Variants in PRMT8 observed in about 807,000 individuals in gnomAD.
PRMT8 encodes the protein protein arginine methyltransferase 8.
Under a neutral mutation model 47.1 loss-of-function variants are expected in PRMT8, and 7 were observed. The observed-to-expected ratio is 0.15, with a 90% CI of 0.08 to 0.28. The LOEUF is 0.28. PRMT8 is among the 10% of genes least tolerant of loss of function. PRMT8 has a pLI of 1.00. For missense variants in PRMT8, 237 were observed against 505.4 expected (o/e 0.47, Z 5.09); for synonymous variants, 188 against 186.5 (o/e 1.01, Z -0.07).
At chr12:3,589,536 G>GC (rs1184242038) in intron 8 of PRMT8, among the ~76,000 whole-genome samples, 4 of 152,020 alleles carry the variant, frequency 2.6e-5, no homozygotes, top group African/African-American at 9.7e-5. Flanking sequence ...GCCCCTCCAC[G>GC]CCCCCCAGAA....
At chr12:3,384,391 T>C (rs1245781244) in intron 1 of PRMT8, among the ~76,000 whole-genome samples, 5 of 152,252 alleles carry the variant, frequency 3.3e-5, no homozygotes, top group African/African-American at 9.6e-5. Flanking sequence ...AACAATATAC[T>C]ATTTACACTA....
rs1453194922 is a variant in PRMT8, at chr12:3,550,256, AG to A, written c.417+167del. 5 of 777,518 alleles carry A rather than the reference AG, an allele frequency of 6.4e-6. No homozygotes were observed. The highest frequency in any genetic ancestry group is 1.0e-5 in the Non-Finnish European group (5 of 493,484). 48.2% of individuals were successfully genotyped at this position (777,518 alleles called of 1,614,324 possible). On this transcript the variant is annotated intron_variant, in intron 3 of 9. Transcript: ENST00000382622. This position sits in a 1 kb window ranked among gnomAD's most constrained non-coding sequence, Gnocchi z 5.1. ...AGGTGTGACTCTCAGGAAGGGGAGC[AG>A]GCTGCCTGTCCCCTGTGCATGGCTC...
At chr12:3,466,213 G>T (rs10848866) in intron 1 of PRMT8, among the ~76,000 whole-genome samples, 7 of 152,002 alleles carry the variant, frequency 4.6e-5, no homozygotes, top group African/African-American at 1.4e-4. Context: ...TTAGTCTCTG[G>T]ATCTGTAAAC....
intron 4 of PRMT8, among the ~76,000 whole-genome samples, chr12:3,559,499 A>G (rs772007397): frequency 3.9e-5 from 6 of 152,158 alleles, no homozygotes; most frequent in Non-Finnish European, 5.9e-5. Flanking sequence ...GTATCTATTT[A>G]TATGTATTGT....
intron 8 of PRMT8, among the ~76,000 whole-genome samples, chr12:3,591,541 T>C (rs1184272450): frequency 6.6e-6 from 1 of 151,558 alleles, no homozygotes; most frequent in Admixed American, 6.6e-5. Flanking sequence ...TTCAGCCTCC[T>C]GAGTAGCTGG....
intron 1 of PRMT8, among the ~76,000 whole-genome samples, chr12:3,408,056 T>A (rs1306584075): frequency 6.6e-6 from 1 of 152,106 alleles, no homozygotes; most frequent in Non-Finnish European, 1.5e-5. Context: ...TTTGTTGAAT[T>A]ACCTATCTGT....
chr12:3,562,777 G>A (rs1301877211), intron 4 of PRMT8, among the ~76,000 whole-genome samples: 1 of 152,182 alleles, frequency 6.6e-6, no homozygotes, highest in Admixed American at 6.5e-5. Flanking sequence ...GTGAAGATGG[G>A]GCCATGCTGA....
chr12:3,457,164 G>A (rs61014454), intron 1 of PRMT8, among the ~76,000 whole-genome samples: 13,948 of 152,240 alleles, frequency 0.092, 688 homozygotes, highest in Non-Finnish European at 0.11. Context: ...AGCTCTGTGA[G>A]GGCAGGCTTG....
At position 3,557,249 on chromosome 12, in the gene PRMT8, C is replaced by T. The variant is rs866933461; in HGVS notation, c.481+3535C>T. On this transcript the variant is annotated intron_variant, in intron 4 of 9. Coordinates refer to ENST00000382622, the MANE Select transcript of PRMT8 (RefSeq NM_019854.5). This position sits in a 1 kb window ranked among gnomAD's most constrained non-coding sequence, Gnocchi z 4.7. Reference sequence around the variant, plus strand: ...CTTTCTCTTACCACTCTCAGGAGCTCGAGTGCGATTGGAGTAGAAGGTTGC... The same window carrying T: ...CTTTCTCTTACCACTCTCAGGAGCTTGAGTGCGATTGGAGTAGAAGGTTGC... Among the ~76,000 whole-genome samples, 3 of 152,042 alleles carry T rather than the reference C, an allele frequency of 2.0e-5. No individual in the cohort carries two copies. The highest frequency in any genetic ancestry group is 4.8e-5 in the African/African-American group (2 of 41,374).
chr12:3,558,078 G>T (rs1174168741), intron 4 of PRMT8, among the ~76,000 whole-genome samples: 1 of 152,122 alleles, frequency 6.6e-6, no homozygotes, highest in African/African-American at 2.4e-5. Context: ...GCTTGCAGGG[G>T]CTACTGCCCT....
At chr12:3,478,422 C>T (rs1473873681) in intron 1 of PRMT8, among the ~76,000 whole-genome samples, 4 of 152,222 alleles carry the variant, frequency 2.6e-5, no homozygotes, top group African/African-American at 9.6e-5. Flanking sequence ...GCTTGGGCCC[C>T]TCCACCTTCT....
chr12:3,422,334 A>G (rs567284386), intron 1 of PRMT8, among the ~76,000 whole-genome samples: 2 of 152,322 alleles, frequency 1.3e-5, no homozygotes, highest in East Asian at 3.9e-4. Context: ...CTGTGCTTAA[A>G]TTTTGGCTTT....
At chr12:3,412,211 G>T (rs1169672955) in intron 1 of PRMT8, among the ~76,000 whole-genome samples, 1 of 152,182 alleles carries the variant, frequency 6.6e-6, no homozygotes, top group East Asian at 1.9e-4. Flanking sequence ...ACAATGGTAA[G>T]TATTTGTGTA....
Position 3,453,046 on chromosome 12 carries a change from C to A in PRMT8, c.48+71604C>A, listed in dbSNP as rs1198372662. Among the ~76,000 whole-genome samples the A allele has an allele frequency of 1.3e-5, 2 of 152,156 alleles. No homozygotes were observed. The highest frequency in any genetic ancestry group is 1.3e-4 in the Admixed American group (2 of 15,274). ...CCTAAGAGGGGAGGGAAGCTAAACC[C>A]TGGACTGGGATCACATGAAAGGAGA... is the stretch of plus-strand genomic sequence containing the variant. On this transcript the variant is annotated intron_variant, in intron 1 of 9. Coordinates refer to the PRMT8 transcript ENST00000452611. This position sits in a 1 kb window ranked among gnomAD's most constrained non-coding sequence, Gnocchi z 4.9.
At chr12:3,461,262 A>G (rs78176476) in intron 1 of PRMT8, among the ~76,000 whole-genome samples, 1,843 of 152,270 alleles carry the variant, frequency 0.012, 40 homozygotes, top group African/African-American at 0.042. Context: ...ACAACCCTTG[A>G]TCTTTCCCAC....
rs1485209204 is a variant in PRMT8, at chr12:3,491,410, G to T, written c.-216G>T. 2.3e-6 allele frequency: 3 copies of T among 1,329,658 alleles called. No individual in the cohort carries two copies. Among genetic ancestry groups the T allele is most frequent in the East Asian group, 5.6e-5 (2 of 35,602 alleles). 82.4% of individuals were successfully genotyped at this position (1,329,658 alleles called of 1,614,324 possible). On this transcript the variant is annotated 5_prime_UTR_variant, in exon 1 of 10. Transcript: ENST00000382622. ...GCACGAGAAGAACTTGAAACCGTGT[G>T]AAGGAATCCGGAGCAGATGAGAAGG...
intron 1 of PRMT8, among the ~76,000 whole-genome samples, chr12:3,399,882 C>G (rs1864299850): frequency 2.0e-5 from 3 of 152,182 alleles, no homozygotes; most frequent in Admixed American, 2.0e-4. Flanking sequence ...CTTAGTGGAT[C>G]AATGACTATA....
chr12:3,491,336 C>T lies in PRMT8; in HGVS notation c.-290C>T. The T allele has an allele frequency of 1.8e-6, 2 of 1,116,984 alleles. No individual in the cohort carries two copies. Among genetic ancestry groups the T allele is most frequent in the Non-Finnish European group, 2.2e-6 (2 of 914,696 alleles). 69.2% of individuals were successfully genotyped at this position (1,116,984 alleles called of 1,614,324 possible). On this transcript the variant is annotated 5_prime_UTR_variant, in exon 1 of 10. Coordinates refer to ENST00000382622, the MANE Select transcript of PRMT8 (RefSeq NM_019854.5). Reference sequence around the variant, plus strand: ...GCGGAGGCTTCGGGGCTGCTTCCCTCGAGCTTAGCCCGCAGCGCGGGTGGA... The same window carrying T: ...GCGGAGGCTTCGGGGCTGCTTCCCTTGAGCTTAGCCCGCAGCGCGGGTGGA...
rs370652445 is a variant in PRMT8, at chr12:3,506,839, G to T, written c.75+15139G>T. 8.5e-5 allele frequency among the ~76,000 whole-genome samples: 13 copies of T among 152,220 alleles called. No individual in the cohort carries two copies. The East Asian group carries it at 1.2e-3, about 14-fold the overall frequency. On this transcript the variant is annotated intron_variant, in intron 1 of 9. Transcript: ENST00000382622. ...GGACTGATTGGTGACTTTCCCCTGT[G>T]CTCCTACCGAGAGAAACTGAGGCAT...
Sources: gnomAD v4.1 joint callset for allele counts (sites outside exome capture counted in the v4.1 genomes callset) on GRCh38, gnomAD v4.1.1 for gene constraint, Gnocchi (gnomAD v3.1) non-coding constraint, MANE v1.5 for transcripts, NCBI Gene and HGNC (gene_info 2026-07-23, HGNC 2026-07-21) for gene names.